Variants in RNF144A observed in about 807,000 individuals in gnomAD.
RNF144A encodes the protein ring finger protein 144A.
In RNF144A, 11 loss-of-function variants were observed where a neutral mutation model predicts 38.7. The observed-to-expected ratio is 0.28, with a 90% CI of 0.18 to 0.47. The LOEUF is 0.47. RNF144A is among the 20% of genes least tolerant of loss of function. The pLI, the probability that RNF144A is intolerant of heterozygous loss-of-function variation, is 0.99. For synonymous variants in RNF144A, 149 were observed against 143.9 expected (o/e 1.04, Z -0.25); for missense variants, 316 against 377.2 (o/e 0.84, Z 1.34).
intron 8 of RNF144A, among the ~76,000 whole-genome samples, chr2:7,036,407 G>A (rs372556053): frequency 3.9e-5 from 6 of 152,314 alleles, no homozygotes; most frequent in Middle Eastern, 3.4e-3. Flanking sequence ...ACATGCATCC[G>A]TGGAGGGGTG....
chr2:7,059,144 G>A (rs1673857739), intron 6 of RNF144A, among the ~76,000 whole-genome samples: 1 of 151,980 alleles, frequency 6.6e-6, no homozygotes, highest in Non-Finnish European at 1.5e-5. Flanking sequence ...TCAAGAGATC[G>A]AGACCATCCT....
At chr2:6,993,933 A>G (rs1396965829) in intron 2 of RNF144A, among the ~76,000 whole-genome samples, 1 of 151,538 alleles carries the variant, frequency 6.6e-6, no homozygotes, top group Non-Finnish European at 1.5e-5. Context: ...CTTCTCACTC[A>G]CTCTTCCCAA....
chr2:7,057,951 G>C (rs747640964), intron 6 of RNF144A, among the ~76,000 whole-genome samples: 1 of 152,174 alleles, frequency 6.6e-6, no homozygotes, highest in African/African-American at 2.4e-5. Flanking sequence ...GGTGTTGAAG[G>C]GATGTTCAGG....
At chr2:6,981,299 G>C (rs1428867199) in intron 2 of RNF144A, among the ~76,000 whole-genome samples, 1 of 151,810 alleles carries the variant, frequency 6.6e-6, no homozygotes, top group Non-Finnish European at 1.5e-5. Flanking sequence ...TTTACTACAT[G>C]GTCAGGCTGC....
At chr2:6,935,895 G>C (rs1211837539) in intron 1 of RNF144A, among the ~76,000 whole-genome samples, 1 of 152,242 alleles carries the variant, frequency 6.6e-6, no homozygotes, top group African/African-American at 2.4e-5. Flanking sequence ...TCAAACGACT[G>C]TTCAGGACAA....
intron 8 of RNF144A, among the ~76,000 whole-genome samples, chr2:7,036,558 A>G (rs779649372): frequency 6.6e-6 from 1 of 152,220 alleles, no homozygotes; most frequent in South Asian, 2.1e-4. Context: ...TATCTCTTGT[A>G]CTTACACCAG....
At chr2:7,005,395 T>G (rs886219716) in intron 3 of RNF144A, among the ~76,000 whole-genome samples, 4 of 152,196 alleles carry the variant, frequency 2.6e-5, no homozygotes, top group Non-Finnish European at 5.9e-5. Flanking sequence ...AATCCAGCCA[T>G]CAGAGTTGCC....
chr2:7,059,288 G>A (rs1673863022), intron 6 of RNF144A, among the ~76,000 whole-genome samples: 1 of 152,122 alleles, frequency 6.6e-6, no homozygotes, highest in Non-Finnish European at 1.5e-5. Context: ...TGGAGCTTCA[G>A]TGAGCTGAGA....
chr2:6,926,424 G>T (rs771289), intron 1 of RNF144A, among the ~76,000 whole-genome samples: 30,770 of 152,228 alleles, frequency 0.2, 3,480 homozygotes, highest in Non-Finnish European at 0.25. Context: ...GAACTGCCCC[G>T]TGCAGGGGTT....
At chr2:6,935,775 C>T (rs1474649577) in intron 1 of RNF144A, among the ~76,000 whole-genome samples, 1 of 152,220 alleles carries the variant, frequency 6.6e-6, no homozygotes, top group Non-Finnish European at 1.5e-5. Context: ...GATGGCCTCT[C>T]ACCTTGTGTC....
intron 6 of RNF144A, chr2:7,068,163 G>A: frequency 5.3e-6 from 5 of 946,732 alleles, no homozygotes; most frequent in South Asian, 1.4e-5. Context: ...GTATCATTGA[G>A]TAAGCTTTTC....
intron 1 of RNF144A, among the ~76,000 whole-genome samples, chr2:6,939,996 C>T (rs535104549): frequency 5.9e-5 from 9 of 152,104 alleles, no homozygotes; most frequent in Admixed American, 2.0e-4. Flanking sequence ...GTAACTCCCC[C>T]AAGTTTTTTT....
At chr2:7,051,852 T>G (rs1311988170) in intron 6 of RNF144A, among the ~76,000 whole-genome samples, 1 of 152,192 alleles carries the variant, frequency 6.6e-6, no homozygotes, top group African/African-American at 2.4e-5. Flanking sequence ...CTGCCCTGGC[T>G]GCTCCACTCC....
At position 7,024,233 on chromosome 2, in the gene RNF144A, T is replaced by G. The variant is rs183689068; in HGVS notation, c.510-136T>G. ...GAGTTTCTGTTTCTTTGTTTTTTGG[T>G]TTTTGTTTTGTTTTTTCATTTAATA... On this transcript the variant is annotated intron_variant, in intron 6 of 8. Transcript: ENST00000320892. 1.9e-3 allele frequency: 1,488 copies of G among 793,506 alleles called. 8 individuals carry two copies. Among genetic ancestry groups the G allele is most frequent in the Non-Finnish European group, 2.3e-3 (1,258 of 556,126 alleles). 49.2% of individuals were successfully genotyped at this position (793,506 alleles called of 1,614,324 possible). A position where few individuals can be genotyped will look rare whatever the true frequency, so the allele number is the denominator to read the frequency against.
At chr2:7,011,689 G>A (rs1670820177) in intron 3 of RNF144A, among the ~76,000 whole-genome samples, 1 of 152,138 alleles carries the variant, frequency 6.6e-6, no homozygotes, top group African/African-American at 2.4e-5. Context: ...TTTAGGCTGT[G>A]TATTTTACAG....
chr2:6,957,610 C>T (rs1209131268), intron 2 of RNF144A, among the ~76,000 whole-genome samples: 2 of 152,096 alleles, frequency 1.3e-5, no homozygotes, highest in Admixed American at 1.3e-4. Flanking sequence ...TTCCTCCAAG[C>T]AACTCTGCAC....
At chr2:7,037,272 A>G (rs916293129) in intron 8 of RNF144A, among the ~76,000 whole-genome samples, 1 of 152,184 alleles carries the variant, frequency 6.6e-6, no homozygotes, top group Non-Finnish European at 1.5e-5. Flanking sequence ...ACAGCAGGCA[A>G]ATTTAGAGAC....
intron 6 of RNF144A, among the ~76,000 whole-genome samples, chr2:7,063,977 T>G (rs1254412919): frequency 6.6e-6 from 1 of 152,196 alleles, no homozygotes. Context: ...CAGCATCTGT[T>G]GAGGGTACCC....
At position 6,917,462 on chromosome 2, in the gene RNF144A, C is replaced by G. The variant is rs968471144; in HGVS notation, c.-372C>G. The G allele has an allele frequency of 6.8e-6, 1 of 147,050 alleles. No homozygotes were observed. The highest frequency in any genetic ancestry group is 2.4e-5 in the African/African-American group (1 of 40,898). 9.1% of individuals were successfully genotyped at this position (147,050 alleles called of 1,614,324 possible). A position where few individuals can be genotyped will look rare whatever the true frequency, so the allele number is the denominator to read the frequency against. On this transcript the variant is annotated 5_prime_UTR_variant, in exon 1 of 9. Coordinates refer to ENST00000320892, the MANE Select transcript of RNF144A (RefSeq NM_014746.6). This position sits in a 1 kb window ranked among gnomAD's most constrained non-coding sequence, Gnocchi z 4.8. ...GCGCAGCCGCTTCTCCCCGCGCGGG[C>G]TCTCGGCAGGCGGGAGGCGGCAGGG...
Sources: allele counts gnomAD v4.1 joint callset (sites outside exome capture counted in the v4.1 genomes callset), GRCh38; gene constraint gnomAD v4.1.1; non-coding constraint Gnocchi (gnomAD v3.1); transcripts MANE v1.5; gene names NCBI Gene and HGNC (gene_info 2026-07-23, HGNC 2026-07-21).